BTBD9: variants seen among roughly 807,000 people sequenced by gnomAD.
BTBD9 encodes BTB domain containing 9, also known as BTB/POZ domain-containing protein 9.
Under a neutral mutation model 64.3 loss-of-function variants are expected in BTBD9, and 49 were observed. That is an observed-to-expected ratio of 0.76 (90% CI 0.61 to 0.97). The LOEUF (loss-of-function observed/expected upper bound fraction) is 0.97. BTBD9 is among the 50% of genes least tolerant of loss of function. The pLI, the probability that BTBD9 is intolerant of heterozygous loss-of-function variation, is 0.00. For missense variants in BTBD9, 598 were observed against 762.1 expected, an observed-to-expected ratio of 0.78 and a Z score of 2.53; for synonymous variants, 260 against 274.7, an observed-to-expected ratio of 0.95 and a Z score of 0.53.
intron 7 of BTBD9, among the ~76,000 whole-genome samples, chr6:38,290,889 T>C (rs1761931431): frequency 6.6e-6 from 1 of 152,214 alleles, no homozygotes; most frequent in Admixed American, 6.5e-5. Flanking sequence ...TGAAAGAGCA[T>C]TTAACAGACA....
intron 6 of BTBD9, among the ~76,000 whole-genome samples, chr6:38,371,189 G>A (rs974150738): frequency 6.6e-6 from 1 of 152,176 alleles, no homozygotes; most frequent in African/African-American, 2.4e-5. Context: ...ATGGGTCTCA[G>A]CAGTATTAGT....
intron 8 of BTBD9, among the ~76,000 whole-genome samples, chr6:38,274,656 G>T (rs1450006754): frequency 1.3e-5 from 2 of 152,154 alleles, no homozygotes; most frequent in Non-Finnish European, 2.9e-5. Flanking sequence ...TTTGTCTTTG[G>T]TTCTGTTTAT....
chr6:38,438,206 A>AG (rs1250290325), intron 6 of BTBD9, among the ~76,000 whole-genome samples: 1 of 98,420 alleles, frequency 1.0e-5, no homozygotes, highest in African/African-American at 4.1e-5. Flanking sequence ...GAGGAAAGGA[A>AG]GGAGGGAGGG....
At chr6:38,627,713 T>C (rs2127529577) in intron 1 of BTBD9, among the ~76,000 whole-genome samples, 1 of 152,310 alleles carries the variant, frequency 6.6e-6, no homozygotes, top group East Asian at 1.9e-4. Flanking sequence ...GTACCATTTT[T>C]ATAAATTACC....
At chr6:38,429,247 G>A (rs1411437344) in intron 6 of BTBD9, among the ~76,000 whole-genome samples, 1 of 151,102 alleles carries the variant, frequency 6.6e-6, no homozygotes, top group Non-Finnish European at 1.5e-5. Context: ...TTGAGGTCAG[G>A]AGTTCAAGAC....
chr6:38,510,744 T>C (rs1474942603), intron 6 of BTBD9, among the ~76,000 whole-genome samples: 2 of 152,296 alleles, frequency 1.3e-5, no homozygotes, highest in South Asian at 2.1e-4. Context: ...GACATAAACA[T>C]ATATATTAGC....
At chr6:38,192,696 T>C (rs2127485605) in intron 9 of BTBD9, 99 bp from the exon 10 acceptor site, 1 of 1,058,816 alleles carries the variant, frequency 9.4e-7, no homozygotes, top group Non-Finnish European at 1.5e-6. Flanking sequence ...GAGGGCTTCC[T>C]GTCCTCGGAG....
At chr6:38,284,354 G>T (rs1190677877) in intron 8 of BTBD9, among the ~76,000 whole-genome samples, 1 of 152,086 alleles carries the variant, frequency 6.6e-6, no homozygotes, top group African/African-American at 2.4e-5. Flanking sequence ...AACCCAAATG[G>T]GCACTGTTCT....
intron 8 of BTBD9, among the ~76,000 whole-genome samples, chr6:38,275,939 G>A (rs1179189619): frequency 2.6e-5 from 4 of 152,032 alleles, no homozygotes; most frequent in Non-Finnish European, 5.9e-5. Flanking sequence ...AGTCAGTGTG[G>A]CGATTCCTCA....
intron 6 of BTBD9, among the ~76,000 whole-genome samples, chr6:38,422,095 G>C (rs573875210): frequency 9.1e-4 from 138 of 152,270 alleles, no homozygotes; most frequent in African/African-American, 3.1e-3. Flanking sequence ...GGGTTTTCAT[G>C]GGGGGTAGTA....
At chr6:38,301,710 C>T (rs1762409028) in intron 7 of BTBD9, among the ~76,000 whole-genome samples, 1 of 151,996 alleles carries the variant, frequency 6.6e-6, no homozygotes. Context: ...GTGATATCCC[C>T]TTCGTCATTT....
chr6:38,351,507 G>GTTTTTTTTTT (rs70981542), intron 6 of BTBD9, among the ~76,000 whole-genome samples: 1 of 102,712 alleles, frequency 9.7e-6, no homozygotes, highest in African/African-American at 3.8e-5. Context: ...AATTGTTGTT[G>GTTTTTTTTTT]TTTTTTTTTT....
At chr6:38,334,625 CATAAA>C (rs879431671) in intron 7 of BTBD9, among the ~76,000 whole-genome samples, 4,423 of 104,072 alleles carry the variant, frequency 0.042, 176 homozygotes, top group African/African-American at 0.15. Flanking sequence ...CATAACATAA[CATAAA>C]ATAAATAAAA....
At chr6:38,561,019 T>C (rs1483702402) in intron 6 of BTBD9, among the ~76,000 whole-genome samples, 1 of 152,230 alleles carries the variant, frequency 6.6e-6, no homozygotes, top group African/African-American at 2.4e-5. Context: ...GTCTTTGCTT[T>C]ATAAATAATG....
At chr6:38,323,338 G>T (rs958129665) in intron 7 of BTBD9, among the ~76,000 whole-genome samples, 1 of 152,076 alleles carries the variant, frequency 6.6e-6, no homozygotes, top group Non-Finnish European at 1.5e-5. Context: ...TAGGCTCAAA[G>T]AACTCAGTTT....
chr6:38,596,311 C>A (rs564230635), intron 2 of BTBD9, among the ~76,000 whole-genome samples: 1 of 152,122 alleles, frequency 6.6e-6, no homozygotes, highest in Admixed American at 6.5e-5. Context: ...AGAACAAGGT[C>A]AATAAGCGGG....
chr6:38,437,645 T>C lies in BTBD9; in HGVS notation c.1155-92552A>G, dbSNP rs868746234. On this transcript the variant is annotated intron_variant, in intron 6 of 10. Transcript: ENST00000481247. The stretch of plus-strand genomic sequence containing the variant: ...TCTTATACCCCAGACATATCTGTCT[T>C]ACTTTGTAATGCTTGTAAGGATTCC... 7.9e-5 allele frequency among the ~76,000 whole-genome samples: 12 copies of C among 152,214 alleles called. No homozygotes were observed. The South Asian group carries it at 2.3e-3, about 29-fold the overall frequency.
chr6:38,201,039 A>AT (rs1040556806), intron 9 of BTBD9, among the ~76,000 whole-genome samples: 4 of 151,328 alleles, frequency 2.6e-5, no homozygotes, highest in African/African-American at 9.8e-5. Context: ...TAAAGTAAAA[A>AT]TAAAAAAAAA....
chr6:38,526,687 T>C (rs976653380), intron 6 of BTBD9, among the ~76,000 whole-genome samples: 3 of 152,226 alleles, frequency 2.0e-5, no homozygotes, highest in Admixed American at 6.5e-5. Context: ...CTAAATATCA[T>C]TTCAGAGCTT....
Sources: gnomAD v4.1 joint callset for allele counts (sites outside exome capture counted in the v4.1 genomes callset) on GRCh38, gnomAD v4.1.1 for gene constraint, MANE v1.5 for transcripts, NCBI Gene and HGNC (gene_info 2026-07-23, HGNC 2026-07-21) for gene names.